The following DYNC2H1 variants were observed in gnomAD, a reference collection of about 807,000 sequenced individuals.
DYNC2H1 encodes dynein cytoplasmic 2 heavy chain 1, also known as cytoplasmic dynein 2 heavy chain 1.
DYNC2H1 carries 410 observed loss-of-function variants against 570.0 expected under a neutral mutation model. The observed-to-expected ratio is 0.72, with a 90% CI of 0.66 to 0.78. The LOEUF is 0.78. Among genes scored for constraint, DYNC2H1 ranks in the 30% least tolerant of loss-of-function variants. The pLI is 0.00. For missense variants in DYNC2H1, 4,865 were observed against 5,046.4 expected (o/e 0.96, Z 1.09); for synonymous variants, 1,688 against 1,677.6 (o/e 1.01, Z -0.15).
chr11:103,319,935 A>G lies in DYNC2H1; in HGVS notation c.11726-1094A>G, dbSNP rs1282229893. Among the ~76,000 whole-genome samples the G allele has an allele frequency of 6.6e-6, 1 of 152,182 alleles. No individual in the cohort carries two copies. The highest frequency in any genetic ancestry group is 1.5e-5 in the Non-Finnish European group (1 of 68,016). The stretch of plus-strand genomic sequence containing the variant: ...GATAACAACTTTATTCTTCCACTAT[A>G]TAGGTCCCCTTATCCTGCAGGAGGC... On this transcript the variant is annotated intron_variant, in intron 80 of 88. Transcript: ENST00000375735. This position sits in a 1 kb window ranked among gnomAD's most constrained non-coding sequence, Gnocchi z 4.3.
At chr11:103,233,828 T>TCA (rs1864108501) in intron 60 of DYNC2H1, among the ~76,000 whole-genome samples, 2 of 50,122 alleles carry the variant, frequency 4.0e-5, no homozygotes, top group African/African-American at 8.9e-5. Flanking sequence ...ATGCTACACT[T>TCA]TATGTGTGTG....
chr11:103,471,123 T>C (rs1945373166), intron 88 of DYNC2H1, among the ~76,000 whole-genome samples: 1 of 152,178 alleles, frequency 6.6e-6, no homozygotes, highest in African/African-American at 2.4e-5. Context: ...TGGTGTGAGA[T>C]GGTATCTCAT....
intron 82 of DYNC2H1, among the ~76,000 whole-genome samples, chr11:103,353,918 C>G (rs1052422652): frequency 5.9e-5 from 9 of 151,936 alleles, no homozygotes; most frequent in Admixed American, 1.3e-4. Flanking sequence ...GTGGCTCACA[C>G]CTGTAATCCC....
chr11:103,147,172 T>C (rs1860279893), intron 18 of DYNC2H1, among the ~76,000 whole-genome samples: 1 of 152,202 alleles, frequency 6.6e-6, no homozygotes, highest in South Asian at 2.1e-4. Context: ...TTATTTGACG[T>C]GTACATTGCT....
chr11:103,259,873 A>T lies in DYNC2H1; in HGVS notation c.10606-15A>T. The T allele has an allele frequency of 6.7e-7, 1 of 1,482,370 alleles. No individual in the cohort carries two copies. Among genetic ancestry groups the T allele is most frequent in the Non-Finnish European group, 9.1e-7 (1 of 1,103,996 alleles). 91.8% of individuals were successfully genotyped at this position (1,482,370 alleles called of 1,614,324 possible). A position where few individuals can be genotyped will look rare whatever the true frequency, so the allele number is the denominator to read the frequency against. On this transcript the variant is annotated splice_polypyrimidine_tract_variant and intron_variant, in intron 69 of 88. Coordinates refer to ENST00000375735, the MANE Select transcript of DYNC2H1 (RefSeq NM_001377.3). ...TTTATAAATTTCCTAATGAATTTCCAATTATAATCTACAGGATTCTGAAAA... is the reference window on the plus strand; with the variant it reads ...TTTATAAATTTCCTAATGAATTTCCTATTATAATCTACAGGATTCTGAAAA...
chr11:103,151,089 A>G lies in DYNC2H1; in HGVS notation c.2947-1047A>G, dbSNP rs997470227. Among the ~76,000 whole-genome samples, 2 of 151,980 alleles carry G rather than the reference A, an allele frequency of 1.3e-5. No individual in the cohort carries two copies. The highest frequency in any genetic ancestry group is 4.8e-5 in the African/African-American group (2 of 41,376). ...AGGACTGGAGGTAGGTAGACTAGGAAACTATTGTGATATGTTTTACAGGCT... is the reference window on the plus strand; with the variant it reads ...AGGACTGGAGGTAGGTAGACTAGGAGACTATTGTGATATGTTTTACAGGCT... On this transcript the variant is annotated intron_variant, in intron 20 of 88. Coordinates refer to ENST00000375735, the MANE Select transcript of DYNC2H1 (RefSeq NM_001377.3). The surrounding 1 kb of genome is among the most constrained non-coding windows in gnomAD (Gnocchi z 4.6).
At chr11:103,456,175 T>A in intron 86 of DYNC2H1, 100 bp from the exon 87 acceptor site, 12 of 853,722 alleles carry the variant, frequency 1.4e-5, no homozygotes, top group Non-Finnish European at 2.1e-5. Context: ...ACATGGTAAA[T>A]ATTTTAATTT....
intron 12 of DYNC2H1, among the ~76,000 whole-genome samples, chr11:103,126,455 G>C (rs953038088): frequency 2.0e-5 from 3 of 152,112 alleles, no homozygotes; most frequent in African/African-American, 7.2e-5. Flanking sequence ...TAAACATTGA[G>C]TGCTCATTAA....
At position 103,133,227 on chromosome 11, in the gene DYNC2H1, A is replaced by G. The variant is rs1006105236; in HGVS notation, c.1954-328A>G. 2.9e-4 allele frequency among the ~76,000 whole-genome samples: 44 copies of G among 152,070 alleles called. No homozygotes were observed. The highest frequency in any genetic ancestry group is 5.7e-4 in the Non-Finnish European group (39 of 68,016). On this transcript the variant is annotated intron_variant, in intron 13 of 88. Transcript: ENST00000375735. The surrounding 1 kb of genome is among the most constrained non-coding windows in gnomAD (Gnocchi z 4.8). ...TTCTCTAGCGCCCTGTCCTGGATGT[A>G]TAGGAGATAATAAGGAAACCCAGGT... is the stretch of plus-strand genomic sequence containing the variant.
Position 103,325,944 on chromosome 11 carries a change from C to G in DYNC2H1, c.12039+1954C>G, listed in dbSNP as rs575864998. Among the ~76,000 whole-genome samples, 1 of 152,152 alleles carries G rather than the reference C, an allele frequency of 6.6e-6. No individual in the cohort carries two copies. Among genetic ancestry groups the G allele is most frequent in the South Asian group, 2.1e-4 (1 of 4,818 alleles). On this transcript the variant is annotated intron_variant, in intron 82 of 88. Coordinates refer to ENST00000375735, the MANE Select transcript of DYNC2H1 (RefSeq NM_001377.3). The surrounding 1 kb of genome is among the most constrained non-coding windows in gnomAD (Gnocchi z 4.8). The stretch of plus-strand genomic sequence containing the variant: ...AATTGCCAGAGTTTTTTCTCTGATT[C>G]TCATCTGGTGGGGCTGGCGTTCCTT...
At position 103,358,261 on chromosome 11, in the gene DYNC2H1, AT is replaced by A; in HGVS notation, c.12062del (p.Leu4021TrpfsTer5). 6.3e-7 allele frequency: 1 copy of A among 1,581,430 alleles called. No homozygotes were observed. Among genetic ancestry groups the A allele is most frequent in the South Asian group, 1.2e-5 (1 of 86,086 alleles). The part of the protein sequence containing the change: ...ISSQVISQLR[I>X]LGRSITAGSK... ...TATTCAGGTTATTTCACAGTTGAGG[AT>A]TTTGGGCAGATCCATAACAGCTGGT... On this transcript the variant is annotated frameshift_variant, in exon 83 of 89. Coordinates refer to ENST00000375735, the MANE Select transcript of DYNC2H1 (RefSeq NM_001377.3). LOFTEE classifies it high-confidence loss of function.
chr11:103,126,973 C>G (rs1859035694), intron 12 of DYNC2H1, among the ~76,000 whole-genome samples: 1 of 152,046 alleles, frequency 6.6e-6, no homozygotes, highest in Admixed American at 6.6e-5. Flanking sequence ...ACAAGTAGAT[C>G]AATATTTAAT....
At chr11:103,120,655 T>C (rs750004960) in intron 7 of DYNC2H1, 34 bp from the exon 8 acceptor site, 2 of 1,606,432 alleles carry the variant, frequency 1.2e-6, no homozygotes, top group South Asian at 2.2e-5. Flanking sequence ...ATTTAAAAAA[T>C]ACTAAAGTCT....
chr11:103,386,894 C>G (rs1236361311), intron 83 of DYNC2H1, among the ~76,000 whole-genome samples: 1 of 151,338 alleles, frequency 6.6e-6, no homozygotes, highest in Non-Finnish European at 1.5e-5. Context: ...TTAATCCAGT[C>G]TATCGTTGTT....
rs901629870 is a variant in DYNC2H1, at chr11:103,165,985, C to G, written c.4699C>G (p.Leu1567Val). The G allele has an allele frequency of 2.0e-6, 3 of 1,531,308 alleles. No homozygotes were observed. Among genetic ancestry groups the G allele is most frequent in the Non-Finnish European group, 2.6e-6 (3 of 1,138,008 alleles). 94.9% of individuals were successfully genotyped at this position (1,531,308 alleles called of 1,614,324 possible). Reference protein sequence around the residue: ...DHSLHQIETQLVNKLEQYTNI... With the variant: ...DHSLHQIETQVVNKLEQYTNI... ...TAGTCTTCATCAGATTGAAACACAA[C>G]TGGTGAATAAGTTAGAGCAATATAC... The change falls in exon 31 of 89, where the codon CTG becomes GTG. Residue 1567 changes from leucine to valine, a missense_variant. Around this residue, in one of 5 missense-constraint regions of DYNC2H1, gnomAD observed 1,936 missense variants for 1,962.1 expected, o/e 0.99. Coordinates refer to ENST00000375735, the MANE Select transcript of DYNC2H1 (RefSeq NM_001377.3).
chr11:103,314,303 C>A (rs906532318), intron 79 of DYNC2H1, among the ~76,000 whole-genome samples: 1 of 152,060 alleles, frequency 6.6e-6, no homozygotes, highest in African/African-American at 2.4e-5. Flanking sequence ...TAGCATATTA[C>A]AAGCACAGCT....
chr11:103,392,950 C>T (rs1942233511), intron 83 of DYNC2H1, among the ~76,000 whole-genome samples: 1 of 151,358 alleles, frequency 6.6e-6, no homozygotes, highest in Admixed American at 6.6e-5. Flanking sequence ...ATGGTGTGAT[C>T]TCAGCTCACT....
rs1459338996 is a variant in DYNC2H1, at chr11:103,133,646, C to T, written c.2045C>T (p.Ala682Val). The T allele has an allele frequency of 1.2e-6, 2 of 1,613,242 alleles. No individual in the cohort carries two copies. The highest frequency in any genetic ancestry group is 2.7e-5 in the African/African-American group (2 of 74,906). Reference sequence around the variant, plus strand: ...TATATCCAAAAACTCCAAAATGCTGCTGAACGGCTTGCCACTGAAAATAGA... The same window carrying T: ...TATATCCAAAAACTCCAAAATGCTGTTGAACGGCTTGCCACTGAAAATAGA... ...EGYIQKLQNA[A>V]ERLATENRKL... The change falls in exon 14 of 89, where the codon GCT (alanine) becomes GTT (valine). Residue 682 changes from alanine to valine, a missense_variant. Ala to Val is a moderately conservative substitution (Grantham distance 64, BLOSUM62 0). Around this residue, in one of 5 missense-constraint regions of DYNC2H1, gnomAD observed 1,936 missense variants for 1,962.1 expected, o/e 0.99. Transcript: ENST00000375735. This position sits in a 1 kb window ranked among gnomAD's most constrained non-coding sequence, Gnocchi z 4.8.
Position 103,461,933 on chromosome 11 carries a change from ATTTTT to A in DYNC2H1, c.12648+5581_12648+5585del, listed in dbSNP as rs147290488. On this transcript the variant is annotated intron_variant, in intron 87 of 88. Coordinates refer to ENST00000375735, the MANE Select transcript of DYNC2H1 (RefSeq NM_001377.3). The surrounding 1 kb of genome is among the most constrained non-coding windows in gnomAD (Gnocchi z 4.8). ...GTTCTGAATGTGTTTCTTTAAAAAT[ATTTTT>A]TTTCTTAAATATAATGTATTATCAC... Among the ~76,000 whole-genome samples, 26 of 151,684 alleles carry A rather than the reference ATTTTT, an allele frequency of 1.7e-4. No individual in the cohort carries two copies. Among genetic ancestry groups the A allele is most frequent in the Admixed American group, 1.6e-3 (24 of 15,234 alleles).
Sources: gnomAD v4.1 joint callset for allele counts (sites outside exome capture counted in the v4.1 genomes callset) on GRCh38, gnomAD v4.1.1 for gene constraint, gnomAD v4.1.1 regional missense constraint, Gnocchi (gnomAD v3.1) non-coding constraint, MANE v1.5 for transcripts, NCBI Gene and HGNC (gene_info 2026-07-23, HGNC 2026-07-21) for gene names.